The following CTNNA3 variants were observed in gnomAD, a reference collection of about 807,000 sequenced individuals.
CTNNA3 encodes catenin alpha 3, also known as catenin alpha-3.
In CTNNA3, 76 loss-of-function variants were observed where a neutral mutation model predicts 95.7. The ratio of observed to expected loss-of-function variants is 0.79; its 90% CI spans 0.66 to 0.96. CTNNA3 has a LOEUF of 0.96. Among genes scored for constraint, CTNNA3 ranks in the 40% least tolerant of loss-of-function variants. CTNNA3 has a pLI of 0.00. For synonymous variants in CTNNA3, 431 were observed against 374.4 expected (o/e 1.15, Z -1.74); for missense variants, 1,191 against 1,089.8 (o/e 1.09, Z -1.31).
At chr10:66,568,621 T>G (rs1174862334) in intron 10 of CTNNA3, among the ~76,000 whole-genome samples, 3 of 151,982 alleles carry the variant, frequency 2.0e-5, no homozygotes, top group Admixed American at 6.6e-5. Flanking sequence ...CATTGCACAG[T>G]TAAAGAGACT....
intron 7 of CTNNA3, among the ~76,000 whole-genome samples, chr10:66,797,604 AG>A (rs1319799530): frequency 2.6e-5 from 4 of 151,878 alleles, no homozygotes; most frequent in Non-Finnish European, 4.4e-5. Flanking sequence ...TTTGGTGCAA[AG>A]CCAGTAACAC....
intron 5 of CTNNA3, among the ~76,000 whole-genome samples, chr10:67,312,559 T>C (rs775881786): frequency 6.6e-6 from 1 of 152,136 alleles, no homozygotes; most frequent in Non-Finnish European, 1.5e-5. Flanking sequence ...GAATCATAAA[T>C]AGTCAATCTC....
intron 13 of CTNNA3, among the ~76,000 whole-genome samples, chr10:66,156,153 G>T (rs1172018088): frequency 1.3e-5 from 2 of 151,986 alleles, no homozygotes; most frequent in African/African-American, 4.8e-5. Flanking sequence ...GGGACCCAAG[G>T]AACAGCATGA....
chr10:67,751,064 C>G, intron 1 of CTNNA3: 7 of 1,484,988 alleles, frequency 4.7e-6, no homozygotes, highest in Non-Finnish European at 5.6e-6. Flanking sequence ...TGACTGTGAT[C>G]CCCAAGTCTG....
At chr10:66,165,315 A>G (rs1034219626) in intron 13 of CTNNA3, among the ~76,000 whole-genome samples, 2 of 152,116 alleles carry the variant, frequency 1.3e-5, no homozygotes, top group Admixed American at 1.3e-4. Context: ...AAGGGGGTGG[A>G]GGAAGAGAGG....
chr10:66,189,617 TACAC>T (rs1554883914), intron 13 of CTNNA3, among the ~76,000 whole-genome samples: 8 of 140,328 alleles, frequency 5.7e-5, no homozygotes, highest in African/African-American at 1.1e-4. Flanking sequence ...TATATATATA[TACAC>T]ACATACACAC....
intron 11 of CTNNA3, among the ~76,000 whole-genome samples, chr10:66,455,037 A>G (rs2093487228): frequency 8.0e-6 from 1 of 125,228 alleles, no homozygotes; most frequent in Admixed American, 7.9e-5. Flanking sequence ...TCTTTTTTTC[A>G]GGAAAAATAT....
At chr10:65,980,341 CCAA>C (rs758640837) in intron 16 of CTNNA3, among the ~76,000 whole-genome samples, 1 of 151,304 alleles carries the variant, frequency 6.6e-6, no homozygotes, top group African/African-American at 2.4e-5. Flanking sequence ...TTAAAAATTG[CCAA>C]CAACAACAAC....
chr10:66,128,622 C>A (rs762232724), intron 13 of CTNNA3, among the ~76,000 whole-genome samples: 4 of 152,046 alleles, frequency 2.6e-5, no homozygotes, highest in Non-Finnish European at 5.9e-5. Context: ...CAATAAAGAT[C>A]AACAGTTGCC....
At chr10:66,879,865 A>T (rs906204543) in intron 7 of CTNNA3, among the ~76,000 whole-genome samples, 1 of 152,074 alleles carries the variant, frequency 6.6e-6, no homozygotes, top group African/African-American at 2.4e-5. Context: ...TTGGAGATAG[A>T]TGCATAGGGA....
At chr10:66,830,848 A>G (rs1842695923) in intron 7 of CTNNA3, among the ~76,000 whole-genome samples, 1 of 152,062 alleles carries the variant, frequency 6.6e-6, no homozygotes, top group Non-Finnish European at 1.5e-5. Flanking sequence ...TGACCTCGTG[A>G]TCCGCCTGCC....
intron 12 of CTNNA3, among the ~76,000 whole-genome samples, chr10:66,356,122 G>GTTTTTTTTTTTTTTTTTTTTCTTTTTTTT (rs59366031): frequency 8.5e-6 from 1 of 117,236 alleles, no homozygotes; most frequent in African/African-American, 3.6e-5. Flanking sequence ...TGCTTGTTTT[G>GTTTTTTTTTTTTTTTTTTTTCTTTTTTTT]TTTTTTTTTT....
At chr10:66,402,043 A>C (rs1173523264) in intron 11 of CTNNA3, among the ~76,000 whole-genome samples, 1 of 152,154 alleles carries the variant, frequency 6.6e-6, no homozygotes, top group Non-Finnish European at 1.5e-5. Context: ...TCAAAGTGGA[A>C]AATGCTCATG....
intron 13 of CTNNA3, among the ~76,000 whole-genome samples, chr10:66,273,488 G>A (rs2091326094): frequency 6.6e-6 from 1 of 152,066 alleles, no homozygotes; most frequent in Non-Finnish European, 1.5e-5. Context: ...CATGAATAAG[G>A]GGATGTCTAC....
chr10:66,563,485 G>T (rs1842613536), intron 10 of CTNNA3, among the ~76,000 whole-genome samples: 1 of 151,950 alleles, frequency 6.6e-6, no homozygotes, highest in Non-Finnish European at 1.5e-5. Flanking sequence ...CAGAAAAAAA[G>T]ATTTTTTAAA....
At chr10:67,255,297 A>AAAAT (rs749848337) in intron 5 of CTNNA3, among the ~76,000 whole-genome samples, 4,274 of 151,772 alleles carry the variant, frequency 0.028, 81 homozygotes, top group Non-Finnish European at 0.044. Flanking sequence ...CTCCATCTCA[A>AAAAT]AAATAAATAA....
intron 9 of CTNNA3, among the ~76,000 whole-genome samples, chr10:66,674,017 T>C (rs1351175643): frequency 9.8e-6 from 1 of 102,044 alleles, no homozygotes; most frequent in Non-Finnish European, 2.0e-5. Context: ...TCAGCACTTG[T>C]TAATTTTTTT....
At chr10:66,461,882 G>C (rs962290197) in intron 11 of CTNNA3, among the ~76,000 whole-genome samples, 5 of 147,318 alleles carry the variant, frequency 3.4e-5, no homozygotes, top group African/African-American at 7.5e-5. Flanking sequence ...GTGTGATCTT[G>C]GCTCACTGCA....
intron 7 of CTNNA3, among the ~76,000 whole-genome samples, chr10:67,059,622 T>C (rs988742095): frequency 6.6e-6 from 1 of 152,172 alleles, no homozygotes; most frequent in African/African-American, 2.4e-5. Context: ...GTTGTCATAG[T>C]CAGTTTGTTC....
Sources: gnomAD v4.1 joint callset for allele counts (sites outside exome capture counted in the v4.1 genomes callset) on GRCh38, gnomAD v4.1.1 for gene constraint, MANE v1.5 for transcripts, NCBI Gene and HGNC (gene_info 2026-07-23, HGNC 2026-07-21) for gene names.